Variants in RELB observed in about 807,000 individuals in gnomAD.
RELB encodes RELB proto-oncogene, NF-kB subunit.
In RELB, 14 loss-of-function variants were observed where a neutral mutation model predicts 55.4. The ratio of observed to expected loss-of-function variants is 0.25; its 90% CI spans 0.17 to 0.40. The LOEUF is 0.40. Among genes scored for constraint, RELB ranks in the 10% least tolerant of loss-of-function variants. The pLI is 1.00. For synonymous variants in RELB, 409 were observed against 371.3 expected, an observed-to-expected ratio of 1.10 and a Z score of -1.17; for missense variants, 669 against 830.7, an observed-to-expected ratio of 0.81 and a Z score of 2.39.
chr19:45,024,411 A>G lies in RELB; in HGVS notation c.663-918A>G, dbSNP rs1442145119. 2.8e-5 allele frequency among the ~76,000 whole-genome samples: 4 copies of G among 144,944 alleles called. No homozygotes were observed. The East Asian group carries it at 8.6e-4, about 31-fold the overall frequency. ...TCTCCTGACCTCCTGATCTGCCCGT[A>G]TCGGCCTCCCAAAGTGATGGGATTA... is the stretch of plus-strand genomic sequence containing the variant. On this transcript the variant is annotated intron_variant, in intron 5 of 11. Coordinates refer to ENST00000221452, the MANE Select transcript of RELB (RefSeq NM_006509.4).
intron 2 of RELB, 107 bp from the exon 3 acceptor site, chr19:45,009,707 G>A (rs1971325562): frequency 1.5e-6 from 2 of 1,324,806 alleles, no homozygotes; most frequent in African/African-American, 1.4e-5. Context: ...GAGGAAGACG[G>A]AAGGGTCACA....
intron 7 of RELB, among the ~76,000 whole-genome samples, chr19:45,028,502 T>G (rs1019372852): frequency 4.0e-5 from 6 of 151,678 alleles, no homozygotes; most frequent in African/African-American, 1.5e-4. Flanking sequence ...CCCAGCTAAT[T>G]TTTGTATTTT....
rs368042377 is a variant in RELB, at chr19:45,022,160, C to A, written c.612C>A (p.Thr204=). The A allele has an allele frequency of 6.2e-7, 1 of 1,612,504 alleles. No individual in the cohort carries two copies. The highest frequency in any genetic ancestry group is 1.7e-5 in the Admixed American group (1 of 59,986). The change falls in exon 5 of 12, where the codon ACC becomes ACA. Residue 204 remains threonine (T), a synonymous_variant. Transcript: ENST00000221452. ...ACAGCCTCGTGGGGAAAGACTGCACCGACGGCATCTGCAGGGTGCGGCTCC... is the reference window on the plus strand; with the variant it reads ...ACAGCCTCGTGGGGAAAGACTGCACAGACGGCATCTGCAGGGTGCGGCTCC... ...HPHSLVGKDC[T]DGICRVRLRP...
chr19:45,011,991 G>A lies in RELB; in HGVS notation c.219G>A (p.Pro73=), dbSNP rs765088332. 5 of 1,577,576 alleles carry A rather than the reference G, an allele frequency of 3.2e-6. No individual in the cohort carries two copies. In the African/African-American group the frequency reaches 4.2e-5, roughly 13 times the overall value. ...ENGFGLDGGQ[P]GPGEGLPRLV... is the part of the protein sequence containing the mutation. ...GCTTCGGCCTGGACGGGGGACAGCCGGGCCCGGGCGAGGGGCTGCCACGCC... is the reference window on the plus strand; with the variant it reads ...GCTTCGGCCTGGACGGGGGACAGCCAGGCCCGGGCGAGGGGCTGCCACGCC... The change falls in exon 4 of 12, where the codon CCG becomes CCA. Residue 73 remains proline (P), a synonymous_variant. Transcript: ENST00000221452.
At chr19:45,016,321 GAGAA>G (rs199775049) in intron 4 of RELB, among the ~76,000 whole-genome samples, 2,893 of 152,194 alleles carry the variant, frequency 0.019, 50 homozygotes, top group African/African-American at 0.038. Context: ...TAGTATAAAA[GAGAA>G]AGAAAAGGAA....
chr19:45,022,794 C>T (rs149059989), intron 5 of RELB, among the ~76,000 whole-genome samples: 21 of 152,238 alleles, frequency 1.4e-4, no homozygotes, highest in African/African-American at 4.3e-4. Flanking sequence ...GGTGATCCTC[C>T]CAGCTCGGCC....
chr19:45,017,797 C>T (rs1049980030), intron 4 of RELB, among the ~76,000 whole-genome samples: 3 of 150,568 alleles, frequency 2.0e-5, no homozygotes, highest in Admixed American at 6.6e-5. Flanking sequence ...AGGCCTGTAC[C>T]ATCATGCCTG....
chr19:45,034,602 C>A (rs1408620711), intron 11 of RELB, 74 bp downstream of exon 11: 1 of 1,294,272 alleles, frequency 7.7e-7, no homozygotes, highest in Non-Finnish European at 1.1e-6. Context: ...CTTTTCTGGC[C>A]TCTTCACGCC....
rs774976152 is a variant in RELB at position 45,025,420 on chromosome 19, G to T, written c.754G>T (p.Ala252Ser). ...KIQLGIDPYN[A>S]GSLKNHQEVD... ...TCAACTGGGCATTGACCCCTACAACGGTGAGCACCCCCTGCCTGACCTGAC... is the reference window on the plus strand; with the variant it reads ...TCAACTGGGCATTGACCCCTACAACTGTGAGCACCCCCTGCCTGACCTGAC... The change falls in exon 6 of 12, where the codon GCT becomes TCT. Residue 252 changes from alanine to serine, a missense_variant and splice_region_variant. Transcript: ENST00000221452. The T allele has an allele frequency of 1.2e-6, 2 of 1,610,108 alleles. No homozygotes were observed. Among genetic ancestry groups the T allele is most frequent in the Non-Finnish European group, 1.7e-6 (2 of 1,178,158 alleles).
intron 5 of RELB, among the ~76,000 whole-genome samples, chr19:45,023,779 C>A (rs1167098460): frequency 2.0e-5 from 2 of 99,472 alleles, no homozygotes; most frequent in Admixed American, 3.2e-4. Flanking sequence ...GAGACCGAGT[C>A]TCACTCTGTC....
chr19:45,026,808 A>G (rs186462625), intron 7 of RELB, among the ~76,000 whole-genome samples: 2 of 152,258 alleles, frequency 1.3e-5, no homozygotes, highest in Admixed American at 6.6e-5. Context: ...TTCACCCTCT[A>G]TAGAGGGATA....
At position 45,037,500 on chromosome 19, in the gene RELB, C is replaced by T. The variant is rs1568406710; in HGVS notation, c.1450C>T (p.Leu484Phe). ...CCTGGAGCCCCCTGGCGGGCCTGAC[C>T]TCCTGGACGATGGCTTTGCCTACGA... is the stretch of plus-strand genomic sequence containing the variant. ...PGLEPPGGPDLLDDGFAYDPT... is the reference protein window; with the variant it reads ...PGLEPPGGPDFLDDGFAYDPT... Residue 484 changes from leucine to phenylalanine, a missense_variant, in exon 12 of 12, where the codon CTC (leucine) becomes TTC (phenylalanine). By Grantham distance (22) the Leu-to-Phe change is conservative. This residue lies in a region of RELB where 341 missense variants were observed against 436.8 expected (regional missense o/e 0.78). Transcript: ENST00000221452. 6.2e-7 allele frequency: 1 copy of T among 1,613,052 alleles called. No individual in the cohort carries two copies. The highest frequency in any genetic ancestry group is 1.7e-5 in the Admixed American group (1 of 59,988).
intron 2 of RELB, among the ~76,000 whole-genome samples, chr19:45,004,372 G>A (rs1030046706): frequency 2.0e-5 from 3 of 151,072 alleles, no homozygotes; most frequent in Non-Finnish European, 4.4e-5. Context: ...ACAGTCATGT[G>A]CCACCACGCT....
At position 45,001,712 on chromosome 19, in the gene RELB, G is replaced by A. The variant is rs772537796; in HGVS notation, c.106+27G>A. Reference sequence around the variant, plus strand: ...TAAGCGGGGCTGGGGTTCAGGAGAGGGGTCTGGGGCGGGGCTGGAGATGCG... The same window carrying A: ...TAAGCGGGGCTGGGGTTCAGGAGAGAGGTCTGGGGCGGGGCTGGAGATGCG... On this transcript the variant is annotated intron_variant, in intron 1 of 11. Coordinates refer to ENST00000221452, the MANE Select transcript of RELB (RefSeq NM_006509.4). 9 of 1,435,884 alleles carry A rather than the reference G, an allele frequency of 6.3e-6. 1 individual carries two copies. The South Asian group carries it at 1.1e-4, about 18-fold the overall frequency. The allele number at this position is 1,435,884 out of a possible 1,614,324, so 88.9% of individuals were successfully genotyped here. A position where few individuals can be genotyped will look rare whatever the true frequency, so the allele number is the denominator to read the frequency against.
Position 45,001,540 on chromosome 19 carries a change from A to G in RELB, c.-40A>G. 1 of 1,264,402 alleles carries G rather than the reference A, an allele frequency of 7.9e-7. No individual in the cohort carries two copies. Among genetic ancestry groups the G allele is most frequent in the Non-Finnish European group, 1.0e-6 (1 of 956,502 alleles). 78.3% of individuals were successfully genotyped at this position (1,264,402 alleles called of 1,614,324 possible). The stretch of plus-strand genomic sequence containing the variant: ...CCGCTCGTCCGACCCGCGATCGTCC[A>G]CCAGACCGTGCCTCCCGGCCGCCCG... On this transcript the variant is annotated 5_prime_UTR_variant, in exon 1 of 12. Transcript: ENST00000221452.
rs34030158 is a variant in RELB at position 45,020,553 on chromosome 19, CT to C, written c.505-1478del. On this transcript the variant is annotated intron_variant, in intron 4 of 11. Coordinates refer to ENST00000221452, the MANE Select transcript of RELB (RefSeq NM_006509.4). ...TTTTAACCCCAAATGTGGCACCCATCTTTTTTTTTTTTTTTTTTTTTTGAGA... is the reference window on the plus strand; with the variant it reads ...TTTTAACCCCAAATGTGGCACCCATCTTTTTTTTTTTTTTTTTTTTTGAGA... 1.9e-3 allele frequency among the ~76,000 whole-genome samples: 161 copies of C among 86,544 alleles called. 1 individual carries two copies. In the South Asian group the frequency reaches 0.02, roughly 11 times the overall value. The allele number at this position is 86,544 out of a possible 152,430, so 56.8% of individuals were successfully genotyped here. A position where few individuals can be genotyped will look rare whatever the true frequency, so the allele number is the denominator to read the frequency against.
intron 4 of RELB, among the ~76,000 whole-genome samples, chr19:45,019,970 G>C (rs1052816611): frequency 6.6e-6 from 1 of 151,480 alleles, no homozygotes; most frequent in African/African-American, 2.4e-5. Flanking sequence ...CACCCACCTC[G>C]GCCTCCTCAA....
chr19:45,009,771 T>C, intron 2 of RELB, 43 bp from the exon 3 acceptor site: 1 of 1,598,218 alleles, frequency 6.3e-7, no homozygotes, highest in South Asian at 1.1e-5. Context: ...GTGACCACTT[T>C]CTGGACCTTA....
chr19:45,020,620 C>G (rs1334469039), intron 4 of RELB, among the ~76,000 whole-genome samples: 1 of 141,394 alleles, frequency 7.1e-6, no homozygotes, highest in Non-Finnish European at 1.5e-5. Context: ...TGCAGTGGCG[C>G]GATCTTGGCT....
Sources: gnomAD v4.1 joint callset for allele counts (sites outside exome capture counted in the v4.1 genomes callset) on GRCh38, gnomAD v4.1.1 for gene constraint, gnomAD v4.1.1 regional missense constraint, MANE v1.5 for transcripts, NCBI Gene and HGNC (gene_info 2026-07-23, HGNC 2026-07-21) for gene names.